The following SUFU variants were observed in gnomAD, a reference collection of about 807,000 sequenced individuals.
The protein encoded by SUFU is suppressor of fused homolog.
In SUFU, 7 loss-of-function variants were observed where a neutral mutation model predicts 58.9. The ratio of observed to expected loss-of-function variants is 0.12; its 90% CI spans 0.07 to 0.22. The LOEUF is 0.22. Ranked by LOEUF, SUFU falls within the 10% of genes least tolerant of loss-of-function variation. The pLI, the probability that SUFU is intolerant of heterozygous loss-of-function variation, is 1.00. For missense variants in SUFU, 451 were observed against 641.3 expected (o/e 0.70, Z 3.20); for synonymous variants, 232 against 254.8 (o/e 0.91, Z 0.85).
At chr10:102,515,907 G>C (rs952330576) in intron 2 of SUFU, among the ~76,000 whole-genome samples, 9 of 152,084 alleles carry the variant, frequency 5.9e-5, no homozygotes, top group African/African-American at 2.2e-4. Flanking sequence ...GCATGAGATG[G>C]TGGAGTTCCC....
At chr10:102,626,059 G>A (rs1231617733) in intron 10 of SUFU, among the ~76,000 whole-genome samples, 3 of 152,178 alleles carry the variant, frequency 2.0e-5, no homozygotes, top group East Asian at 3.9e-4. Flanking sequence ...GGGTGCTCAA[G>A]GTGTACGGGA....
intron 2 of SUFU, among the ~76,000 whole-genome samples, chr10:102,524,324 CTTTTCT>C (rs1289549357): frequency 8.3e-6 from 1 of 119,892 alleles, no homozygotes; most frequent in Non-Finnish European, 1.7e-5. Context: ...TTTTTCTTTT[CTTTTCT>C]TTTTTTTTTT....
rs148830761 is a variant in SUFU at position 102,506,513 on chromosome 10, A to G, written c.182+2179A>G. Among the ~76,000 whole-genome samples the G allele has an allele frequency of 1.5e-3, 234 of 152,144 alleles. 3 individuals carry two copies. The East Asian group carries it at 0.038, about 24-fold the overall frequency. On this transcript the variant is annotated intron_variant, in intron 1 of 11. Transcript: ENST00000369902. ...CGTGCCTCAGCCTCCCAAGTAGCTG[A>G]TATTACAGGCACACGCCACCTTGCC...
intron 2 of SUFU, among the ~76,000 whole-genome samples, chr10:102,540,186 T>C (rs970679583): frequency 6.6e-6 from 1 of 152,196 alleles, no homozygotes; most frequent in African/African-American, 2.4e-5. Flanking sequence ...GAGAATGGTA[T>C]ATAGAAGCCA....
chr10:102,559,536 T>G (rs936166168), intron 3 of SUFU, among the ~76,000 whole-genome samples: 9 of 152,246 alleles, frequency 5.9e-5, no homozygotes, highest in Admixed American at 5.9e-4. Context: ...ATGAGTCGTT[T>G]GGAAAGTTTT....
chr10:102,535,225 G>T (rs536031345), intron 2 of SUFU, among the ~76,000 whole-genome samples: 1 of 152,284 alleles, frequency 6.6e-6, no homozygotes, highest in South Asian at 2.1e-4. Flanking sequence ...GGTGGCTCAC[G>T]CCTGTAATCC....
At chr10:102,612,883 G>A (rs781709262) in intron 8 of SUFU, among the ~76,000 whole-genome samples, 22 of 152,230 alleles carry the variant, frequency 1.4e-4, no homozygotes, top group Non-Finnish European at 2.5e-4. Context: ...TGCTTGCTGG[G>A]AGGAATCAGC....
At chr10:102,555,303 C>A (rs1590024301) in intron 3 of SUFU, among the ~76,000 whole-genome samples, 2 of 141,232 alleles carry the variant, frequency 1.4e-5, no homozygotes, top group Admixed American at 7.1e-5. Context: ...TTATATGGAT[C>A]AAGATGGACA....
chr10:102,544,186 T>C (rs1020146107), intron 2 of SUFU, among the ~76,000 whole-genome samples: 1 of 152,196 alleles, frequency 6.6e-6, no homozygotes, highest in South Asian at 2.1e-4. Context: ...TTACACAAAC[T>C]CCATCAGTGT....
chr10:102,596,235 G>A (rs911392675), intron 6 of SUFU, among the ~76,000 whole-genome samples: 3 of 152,196 alleles, frequency 2.0e-5, no homozygotes, highest in African/African-American at 7.2e-5. Context: ...GGCCAGTGTG[G>A]TACCTGTGGA....
At chr10:102,598,873 C>T (rs971961073) in intron 7 of SUFU, among the ~76,000 whole-genome samples, 1 of 152,212 alleles carries the variant, frequency 6.6e-6, no homozygotes, top group South Asian at 2.1e-4. Flanking sequence ...AACTCTTTCA[C>T]TTCCTGGCCC....
intron 2 of SUFU, among the ~76,000 whole-genome samples, chr10:102,516,444 G>A: frequency 6.6e-6 from 1 of 152,100 alleles, no homozygotes; most frequent in East Asian, 1.9e-4. Context: ...CATTTCATTT[G>A]CAGCATGGAT....
At chr10:102,565,484 T>C (rs1364675916) in intron 3 of SUFU, among the ~76,000 whole-genome samples, 5 of 152,250 alleles carry the variant, frequency 3.3e-5, no homozygotes, top group African/African-American at 1.2e-4. Context: ...CTTTAGCTTC[T>C]ATAGGTCTGT....
In SUFU at chr10:102,504,040, C is replaced by T. The variant is rs1212862342; in HGVS notation, c.-113C>T. On this transcript the variant is annotated 5_prime_UTR_variant, in exon 1 of 12. Coordinates refer to ENST00000369902, the MANE Select transcript of SUFU (RefSeq NM_016169.4). ...GCAGGCGCGGAGCTAGACCTCGCTG[C>T]AGCCCCCATCGCCTCGGGGAGTCTC... 2.2e-6 allele frequency: 3 copies of T among 1,379,868 alleles called. No homozygotes were observed. The highest frequency in any genetic ancestry group is 5.1e-5 in the East Asian group (2 of 39,046). 85.5% of individuals were successfully genotyped at this position (1,379,868 alleles called of 1,614,324 possible). A position where few individuals can be genotyped will look rare whatever the true frequency, so the allele number is the denominator to read the frequency against.
At chr10:102,603,158 T>TTTTA (rs1245181965) in intron 8 of SUFU, among the ~76,000 whole-genome samples, 2 of 152,140 alleles carry the variant, frequency 1.3e-5, no homozygotes, top group African/African-American at 4.8e-5. Context: ...AGAGGTTTTC[T>TTTTA]TTTATTTATT....
At chr10:102,595,567 A>G (rs545290648) in intron 6 of SUFU, among the ~76,000 whole-genome samples, 1 of 141,154 alleles carries the variant, frequency 7.1e-6, no homozygotes, top group East Asian at 2.1e-4. Flanking sequence ...CTAGTAGGGT[A>G]AACAGCTGTC....
chr10:102,559,178 G>C (rs1330327444), intron 3 of SUFU, among the ~76,000 whole-genome samples: 1 of 152,204 alleles, frequency 6.6e-6, no homozygotes, highest in African/African-American at 2.4e-5. Context: ...GTCCTTTAAA[G>C]ATGAACCAAA....
At chr10:102,559,839 T>G (rs2063017545) in intron 3 of SUFU, among the ~76,000 whole-genome samples, 1 of 152,306 alleles carries the variant, frequency 6.6e-6, no homozygotes, top group East Asian at 1.9e-4. Flanking sequence ...CAAGGCAATT[T>G]CATTTGCGTT....
At chr10:102,541,104 C>A (rs1003892534) in intron 2 of SUFU, among the ~76,000 whole-genome samples, 2 of 151,588 alleles carry the variant, frequency 1.3e-5, no homozygotes, top group African/African-American at 4.8e-5. Flanking sequence ...CTGTTAGGTT[C>A]ATTAATTTCT....
Sources: allele counts gnomAD v4.1 joint callset (sites outside exome capture counted in the v4.1 genomes callset), GRCh38; gene constraint gnomAD v4.1.1; transcripts MANE v1.5; gene names NCBI Gene and HGNC (gene_info 2026-07-23, HGNC 2026-07-21).